CIBAR2: variants seen among roughly 807,000 people sequenced by gnomAD.
CIBAR2 encodes the protein CBY1 interacting BAR domain containing 2.
A neutral mutation model predicts 36.2 loss-of-function variants in CIBAR2; 38 were observed. The observed-to-expected ratio is 1.05, with a 90% CI of 0.81 to 1.38. The LOEUF is 1.38. Among genes scored for constraint, CIBAR2 ranks in the 40% most tolerant of loss-of-function variants. The pLI is 0.00. For synonymous variants in CIBAR2, 182 were observed against 149.5 expected (o/e 1.22, Z -1.58); for missense variants, 481 against 383.4 (o/e 1.25, Z -2.13).
At chr16:85,110,565 C>T (rs12599425) in intron 1 of CIBAR2, 105 bp from the exon 2 acceptor site, 1 of 837,788 alleles carries the variant, frequency 1.2e-6, no homozygotes, top group South Asian at 1.8e-5. Flanking sequence ...CACCAGCCGG[C>T]CTCTGGTGTG....
chr16:85,103,137 A>C (rs2073968783), intron 6 of CIBAR2, among the ~76,000 whole-genome samples: 1 of 152,118 alleles, frequency 6.6e-6, no homozygotes, highest in African/African-American at 2.4e-5. Flanking sequence ...TCCTGACCTC[A>C]AGTGATCCGC....
Position 85,108,243 on chromosome 16 carries a change from C to T in CIBAR2, c.256-144G>A, listed in dbSNP as rs114776843. ...GGAGCGCGAGGTGCCCTCCCTTTTCCCGGTGTGTTGGAGGCACGGAGCTGG... is the reference window on the plus strand; with the variant it reads ...GGAGCGCGAGGTGCCCTCCCTTTTCTCGGTGTGTTGGAGGCACGGAGCTGG... On this transcript the variant is annotated intron_variant, in intron 2 of 8. Coordinates refer to ENST00000539556, the MANE Select transcript of CIBAR2 (RefSeq NM_198491.3). The T allele has an allele frequency of 4.8e-3, 3,554 of 735,498 alleles. 104 individuals carry two copies. The African/African-American group carries it at 0.058, about 12-fold the overall frequency. The allele number at this position is 735,498 out of a possible 1,614,324, so 45.6% of individuals were successfully genotyped here.
intron 6 of CIBAR2, 138 bp downstream of exon 6, chr16:85,105,189 C>G (rs1457073695): frequency 3.7e-6 from 2 of 542,614 alleles, no homozygotes; most frequent in African/African-American, 3.8e-5. Flanking sequence ...AGCTCACTCA[C>G]GCCTTCCAGT....
In CIBAR2 at chr16:85,110,249, C is replaced by G; in HGVS notation, c.232G>C (p.Val78Leu). The G allele has an allele frequency of 3.2e-6, 5 of 1,582,250 alleles. No homozygotes were observed. Among genetic ancestry groups the G allele is most frequent in the Non-Finnish European group, 4.3e-6 (5 of 1,160,932 alleles). ...MRGFAEDLAK[V>L]QDYRQAQVER... The stretch of plus-strand genomic sequence containing the variant: ...ACCTGGGCCTGCCGGTAATCCTGCA[C>G]TTTGGCCAGGTCCTCAGCGAAGCCC... Residue 78 changes from valine (V) to leucine (L), a missense_variant, in exon 2 of 9, where the codon GTG becomes CTG. Physicochemically the swap from Val to Leu is conservative, Grantham distance 32 (BLOSUM62 1). Transcript: ENST00000539556.
rs760417900 is a variant in CIBAR2 at position 85,099,271 on chromosome 16, G to C, written c.829C>G (p.Leu277Val). Residue 277 changes from leucine (L) to valine (V), a missense_variant, in exon 9 of 9, where the codon CTC (leucine) becomes GTC (valine). Leu to Val is a conservative substitution (Grantham distance 32). Transcript: ENST00000539556. Reference sequence around the variant, plus strand: ...TGCCCCTTAACCACCCACTCACAGAGACTAAACCTGCCATGATTGGCATGA... The same window carrying C: ...TGCCCCTTAACCACCCACTCACAGACACTAAACCTGCCATGATTGGCATGA... ...HPHANHGRFS[L>V]CEWVVKGQPA... 6.8e-6 allele frequency: 11 copies of C among 1,613,854 alleles called. No homozygotes were observed. The highest frequency in any genetic ancestry group is 3.4e-6 in the Non-Finnish European group (4 of 1,179,958).
rs202030185 is a variant in CIBAR2 at position 85,110,354 on chromosome 16, G to T, written c.127C>A (p.Arg43=). The change falls in exon 2 of 9, where the codon CGG becomes AGG. Residue 43 remains arginine (R), a synonymous_variant. Transcript: ENST00000539556. The stretch of plus-strand genomic sequence containing the variant: ...TTGACCAGCTGGTCCGCCTTGTCCC[G>T]CAGCCGGGCCGTCTTGCGCGTGTAG... ...AAYTRKTARL[R]DKADQLVKQL... 4 of 1,613,312 alleles carry T rather than the reference G, an allele frequency of 2.5e-6. No homozygotes were observed. Among genetic ancestry groups the T allele is most frequent in the African/African-American group, 1.3e-5 (1 of 75,048 alleles).
rs540965469 is a variant in CIBAR2 at position 85,108,293 on chromosome 16, G to A, written c.256-194C>T. On this transcript the variant is annotated intron_variant, in intron 2 of 8. Transcript: ENST00000539556. ...GGTTCAGGGCCCGGCTCTGCCTCCC[G>A]AGGGCTCCAGCAACGCATTCAGTCT... Among the ~76,000 whole-genome samples the A allele has an allele frequency of 1.5e-3, 221 of 152,278 alleles. No homozygotes were observed. The Middle Eastern group carries it at 0.027, about 19-fold the overall frequency.
chr16:85,111,716 C>T (rs948204774), intron 1 of CIBAR2, among the ~76,000 whole-genome samples: 25 of 152,184 alleles, frequency 1.6e-4, no homozygotes, highest in Admixed American at 1.0e-3. Context: ...CGTAATAGCA[C>T]GCCTGTAGTC....
In CIBAR2 at chr16:85,110,385, C is replaced by T. The variant is rs772559148; in HGVS notation, c.96G>A (p.Leu32=). The T allele has an allele frequency of 2.5e-6, 4 of 1,613,498 alleles. No individual in the cohort carries two copies. Among genetic ancestry groups the T allele is most frequent in the Non-Finnish European group, 3.4e-6 (4 of 1,179,812 alleles). Residue 32 remains leucine, a synonymous_variant, in exon 2 of 9, where the codon CTG becomes CTA. Coordinates refer to ENST00000539556, the MANE Select transcript of CIBAR2 (RefSeq NM_198491.3). ...GGGCCGTCTTGCGCGTGTAGGCGGCCAGCAGCGAGCAGAACTGCCCAAAGT... is the reference window on the plus strand; with the variant it reads ...GGGCCGTCTTGCGCGTGTAGGCGGCTAGCAGCGAGCAGAACTGCCCAAAGT... ...EKYFGQFCSL[L]AAYTRKTARL... is the part of the protein sequence containing the mutation.
At chr16:85,100,092 C>T (rs376462802) in intron 8 of CIBAR2, 47 bp downstream of exon 8, 15 of 1,463,092 alleles carry the variant, frequency 1.0e-5, no homozygotes, top group East Asian at 2.4e-5. Context: ...CCTTCCAGGC[C>T]GTGCACGACA....
At chr16:85,102,722 C>G (rs898685521) in intron 6 of CIBAR2, among the ~76,000 whole-genome samples, 1 of 152,176 alleles carries the variant, frequency 6.6e-6, no homozygotes, top group Non-Finnish European at 1.5e-5. Flanking sequence ...GCTCTCCATC[C>G]TCCATCCTGT....
chr16:85,107,375 C>T (rs2074004630), intron 5 of CIBAR2, among the ~76,000 whole-genome samples: 1 of 152,150 alleles, frequency 6.6e-6, no homozygotes, highest in Non-Finnish European at 1.5e-5. Flanking sequence ...TGGTTTCCTC[C>T]TGTAGACGAT....
chr16:85,107,724 G>A (rs2074007440), intron 4 of CIBAR2, 52 bp from the exon 5 acceptor site: 1 of 1,611,814 alleles, frequency 6.2e-7, no homozygotes, highest in African/African-American at 1.3e-5. Flanking sequence ...GCCCCGTTGG[G>A]GTGGTCCGCC....
intron 7 of CIBAR2, among the ~76,000 whole-genome samples, chr16:85,100,618 G>A (rs1399978662): frequency 6.6e-6 from 1 of 152,202 alleles, no homozygotes; most frequent in African/African-American, 2.4e-5. Flanking sequence ...TGGTAACTCA[G>A]ATGATCTGAT....
intron 8 of CIBAR2, 59 bp downstream of exon 8, chr16:85,100,080 G>A: frequency 1.5e-6 from 2 of 1,340,672 alleles, no homozygotes; most frequent in East Asian, 2.5e-5. Flanking sequence ...TACTACCACG[G>A]GCCTTCCAGG....
rs772236350 is a variant in CIBAR2, at chr16:85,108,074, A to C, written c.281T>G (p.Val94Gly). ...AQVERLETKV[V>G]NPLKLYGAQI... ...TGCCCCGTAGAGCTTCAGGGGGTTG[A>C]CCACCTTGGTCTCCAGCCTCTCGAC... Residue 94 changes from valine (V) to glycine (G), a missense_variant, in exon 3 of 9, where the codon GTC becomes GGC. Transcript: ENST00000539556. The C allele has an allele frequency of 1.2e-6, 2 of 1,612,722 alleles. No homozygotes were observed. Among genetic ancestry groups the C allele is most frequent in the East Asian group, 4.5e-5 (2 of 44,822 alleles).
At chr16:85,106,131 T>G (rs1401997044) in intron 5 of CIBAR2, among the ~76,000 whole-genome samples, 2 of 152,182 alleles carry the variant, frequency 1.3e-5, no homozygotes, top group African/African-American at 4.8e-5. Flanking sequence ...AATAAATGGC[T>G]GCAGAGACGG....
At chr16:85,103,648 C>T (rs185824996) in intron 6 of CIBAR2, among the ~76,000 whole-genome samples, 1 of 152,346 alleles carries the variant, frequency 6.6e-6, no homozygotes, top group East Asian at 1.9e-4. Context: ...TTCAGTTTCT[C>T]CTTGCCATGT....
intron 6 of CIBAR2, among the ~76,000 whole-genome samples, chr16:85,104,350 C>T (rs972837756): frequency 2.6e-5 from 4 of 152,204 alleles, no homozygotes; most frequent in Admixed American, 6.5e-5. Context: ...GGTTCTAATC[C>T]TTAGAACAAG....
Sources: gnomAD v4.1 joint callset for allele counts (sites outside exome capture counted in the v4.1 genomes callset) on GRCh38, gnomAD v4.1.1 for gene constraint, MANE v1.5 for transcripts, NCBI Gene and HGNC (gene_info 2026-07-23, HGNC 2026-07-21) for gene names.